MACROD2: variants seen among roughly 807,000 people sequenced by gnomAD.
The protein encoded by MACROD2 is ADP-ribose glycohydrolase MACROD2.
Under a neutral mutation model 70.4 loss-of-function variants are expected in MACROD2, and 36 were observed. The observed-to-expected ratio is 0.51, with a 90% CI of 0.39 to 0.68. The LOEUF is 0.68. Among genes scored for constraint, MACROD2 ranks in the 30% least tolerant of loss-of-function variants. The pLI, the probability that MACROD2 is intolerant of heterozygous loss-of-function variation, is 0.00. For missense variants in MACROD2, 496 were observed against 538.4 expected, an observed-to-expected ratio of 0.92 and a Z score of 0.78; for synonymous variants, 172 against 178.8, an observed-to-expected ratio of 0.96 and a Z score of 0.30.
At chr20:14,726,946 C>T (rs961918978) in intron 5 of MACROD2, among the ~76,000 whole-genome samples, 17 of 152,134 alleles carry the variant, frequency 1.1e-4, no homozygotes, top group African/African-American at 3.9e-4. Context: ...AAAAAAAACC[C>T]TCCCATCAGC....
At chr20:14,685,412 T>C (rs186716098) in intron 5 of MACROD2, among the ~76,000 whole-genome samples, 6 of 152,314 alleles carry the variant, frequency 3.9e-5, no homozygotes, top group Admixed American at 2.6e-4. Context: ...TAAAGGCTGA[T>C]TGGCAATTAC....
chr20:15,401,166 T>C (rs1477280374), intron 6 of MACROD2, among the ~76,000 whole-genome samples: 11 of 151,962 alleles, frequency 7.2e-5, no homozygotes, highest in Admixed American at 5.2e-4. Flanking sequence ...GCCTCCCGAG[T>C]AGCTGGGACT....
intron 2 of MACROD2, among the ~76,000 whole-genome samples, chr20:14,032,675 G>A (rs2053259525): frequency 6.6e-6 from 1 of 151,878 alleles, no homozygotes; most frequent in Non-Finnish European, 1.5e-5. Flanking sequence ...TAAGTTTGTT[G>A]TTGAGCACTA....
intron 5 of MACROD2, among the ~76,000 whole-genome samples, chr20:15,033,969 T>A (rs2075294609): frequency 6.6e-6 from 1 of 152,156 alleles, no homozygotes; most frequent in Non-Finnish European, 1.5e-5. Context: ...TCTAACAACA[T>A]CAGTGTATAT....
chr20:15,233,995 A>G (rs2076985441), intron 6 of MACROD2, among the ~76,000 whole-genome samples: 1 of 60,888 alleles, frequency 1.6e-5, no homozygotes, highest in Admixed American at 2.3e-4. Flanking sequence ...ATATATATAT[A>G]TATATATATA....
chr20:15,134,226 C>T (rs117921028), intron 5 of MACROD2, among the ~76,000 whole-genome samples: 2,664 of 144,866 alleles, frequency 0.018, 36 homozygotes, highest in South Asian at 0.077. Context: ...TCTTAAAGGT[C>T]TTCCAACCTT....
chr20:14,537,228 C>G (rs867148077), intron 4 of MACROD2, among the ~76,000 whole-genome samples: 2 of 152,138 alleles, frequency 1.3e-5, no homozygotes, highest in Admixed American at 6.6e-5. Context: ...AAAGCAAAAC[C>G]TGACACAGTG....
intron 15 of MACROD2, among the ~76,000 whole-genome samples, chr20:15,992,055 G>C (rs760116932): frequency 6.6e-6 from 1 of 152,058 alleles, no homozygotes. Flanking sequence ...AAAAAACATA[G>C]AAGAATAAAA....
At chr20:15,487,594 A>T (rs1350164067) in intron 7 of MACROD2, among the ~76,000 whole-genome samples, 1 of 152,116 alleles carries the variant, frequency 6.6e-6, no homozygotes. Flanking sequence ...TGCCCACTGG[A>T]CCACCCTTTT....
intron 5 of MACROD2, among the ~76,000 whole-genome samples, chr20:14,930,318 T>C (rs921423918): frequency 2.6e-5 from 4 of 152,188 alleles, no homozygotes; most frequent in African/African-American, 7.2e-5. Flanking sequence ...ACAAACCTTG[T>C]TGTCAATGTG....
At chr20:14,890,948 CT>C (rs2073748386) in intron 5 of MACROD2, among the ~76,000 whole-genome samples, 1 of 88,552 alleles carries the variant, frequency 1.1e-5, no homozygotes, top group Non-Finnish European at 2.3e-5. Context: ...TCTTCTTTCT[CT>C]TTTTCCTTCC....
intron 3 of MACROD2, among the ~76,000 whole-genome samples, chr20:14,285,134 T>G (rs1050904590): frequency 6.6e-6 from 1 of 152,186 alleles, no homozygotes; most frequent in Non-Finnish European, 1.5e-5. Context: ...TTAGTATCTC[T>G]TATCTGGAAT....
chr20:14,886,175 A>C (rs1017643541), intron 5 of MACROD2, among the ~76,000 whole-genome samples: 3 of 152,180 alleles, frequency 2.0e-5, no homozygotes, highest in Non-Finnish European at 4.4e-5. Flanking sequence ...CAGGTGTCAT[A>C]AAGTCAAGGC....
intron 3 of MACROD2, among the ~76,000 whole-genome samples, chr20:14,464,551 C>T (rs1403431556): frequency 2.0e-5 from 3 of 152,018 alleles, no homozygotes; most frequent in African/African-American, 7.3e-5. Context: ...CTGCTCCGAT[C>T]TTAGTTATTT....
chr20:14,890,009 C>T (rs770377433), intron 5 of MACROD2, among the ~76,000 whole-genome samples: 1 of 152,032 alleles, frequency 6.6e-6, no homozygotes, highest in African/African-American at 2.4e-5. Context: ...GGAGTACAGA[C>T]TTTGTATATA....
intron 5 of MACROD2, among the ~76,000 whole-genome samples, chr20:14,781,580 G>A (rs2072301742): frequency 6.6e-6 from 1 of 150,928 alleles, no homozygotes; most frequent in South Asian, 2.1e-4. Context: ...TGGTACTTCA[G>A]TTATAGCTTT....
intron 5 of MACROD2, among the ~76,000 whole-genome samples, chr20:15,117,196 T>A (rs540802798): frequency 6.6e-6 from 1 of 152,148 alleles, no homozygotes; most frequent in Non-Finnish European, 1.5e-5. Context: ...AAGAAAATAA[T>A]GTGGAGAAAA....
At chr20:15,290,660 G>C (rs2077533582) in intron 6 of MACROD2, among the ~76,000 whole-genome samples, 1 of 152,156 alleles carries the variant, frequency 6.6e-6, no homozygotes, top group Admixed American at 6.5e-5. Context: ...ATCACAACAG[G>C]TTCATTTATT....
intron 6 of MACROD2, among the ~76,000 whole-genome samples, chr20:15,240,467 G>T (rs914085517): frequency 6.6e-6 from 1 of 152,138 alleles, no homozygotes; most frequent in Non-Finnish European, 1.5e-5. Flanking sequence ...TACTCAGGAG[G>T]CTGAGACAGA....
Sources: allele counts gnomAD v4.1 joint callset (sites outside exome capture counted in the v4.1 genomes callset), GRCh38; gene constraint gnomAD v4.1.1; transcripts MANE v1.5; gene names NCBI Gene and HGNC (gene_info 2026-07-23, HGNC 2026-07-21).